PARVB: variants seen among roughly 807,000 people sequenced by gnomAD.
PARVB encodes the protein parvin beta, also known as beta-parvin.
PARVB carries 46 observed loss-of-function variants against 47.0 expected under a neutral mutation model. That is an observed-to-expected ratio of 0.98 (90% CI 0.77 to 1.25). The LOEUF (loss-of-function observed/expected upper bound fraction) is 1.25. Ranked by LOEUF, PARVB falls within the 50% of genes most tolerant of loss-of-function variation. The pLI, the probability that PARVB is intolerant of heterozygous loss-of-function variation, is 0.00. For missense variants in PARVB, 473 were observed against 471.6 expected, an observed-to-expected ratio of 1.00 and a Z score of -0.03; for synonymous variants, 196 against 196.3, an observed-to-expected ratio of 1.00 and a Z score of 0.01.
At chr22:44,128,820 G>A (rs1358013173) in intron 4 of PARVB, among the ~76,000 whole-genome samples, 1 of 152,218 alleles carries the variant, frequency 6.6e-6, no homozygotes, top group African/African-American at 2.4e-5. Context: ...GCTCACACCT[G>A]TAATCCCAGC....
rs117301474 is a variant in PARVB at position 44,087,281 on chromosome 22, A to G, written c.113-6647A>G. Among the ~76,000 whole-genome samples the G allele has an allele frequency of 4.6e-3, 702 of 152,328 alleles. 5 individuals carry two copies. The highest frequency in any genetic ancestry group is 0.016 in the South Asian group (79 of 4,818). On this transcript the variant is annotated intron_variant, in intron 1 of 12. Transcript: ENST00000338758. ...AAACCAGGAATTGCACGGATGGTGT[A>G]GAAAGTCCCCGTAGGTGGCAAAGCA... is the stretch of plus-strand genomic sequence containing the variant.
Position 44,162,006 on chromosome 22 carries a change from G to A in PARVB, c.946-1852G>A, listed in dbSNP as rs140433676. Among the ~76,000 whole-genome samples, 841 of 152,252 alleles carry A rather than the reference G, an allele frequency of 5.5e-3. 7 individuals are homozygous for A. Among genetic ancestry groups the A allele is most frequent in the African/African-American group, 0.019 (789 of 41,544 alleles). On this transcript the variant is annotated intron_variant, in intron 11 of 12. Transcript: ENST00000338758. ...CAGGGTCTCCGTCTGCTGCACCCCC[G>A]CCCCTGGGTGGACATGGCCTGCCCT... is the stretch of plus-strand genomic sequence containing the variant.
rs1012192952 is a variant in PARVB, at chr22:44,089,142, C to T, written c.113-4786C>T. On this transcript the variant is annotated intron_variant, in intron 1 of 12. Transcript: ENST00000338758. The surrounding 1 kb of genome is among the most constrained non-coding windows in gnomAD (Gnocchi z 4.0). ...CTCCTCCTATCAAATGCCCTCCTGT[C>T]TCTCTCTTCCTACCTGGCCCCCCGT... Among the ~76,000 whole-genome samples, 1 of 152,214 alleles carries T rather than the reference C, an allele frequency of 6.6e-6. No homozygotes were observed. The highest frequency in any genetic ancestry group is 1.5e-5 in the Non-Finnish European group (1 of 68,052).
intron 3 of PARVB, among the ~76,000 whole-genome samples, chr22:44,102,318 A>G (rs1601603561): frequency 6.6e-6 from 1 of 152,194 alleles, no homozygotes; most frequent in Non-Finnish European, 1.5e-5. Flanking sequence ...TCCTCTGAAC[A>G]CCATTCCAGA....
intron 2 of PARVB, among the ~76,000 whole-genome samples, 195 bp downstream of exon 2, chr22:44,094,212 G>A (rs1005876544): frequency 1.3e-5 from 2 of 152,204 alleles, no homozygotes; most frequent in African/African-American, 4.8e-5. Context: ...TTCATTAAGG[G>A]TTTCTGCCCT....
At chr22:44,127,715 A>G (rs1315099068) in intron 4 of PARVB, among the ~76,000 whole-genome samples, 1 of 147,932 alleles carries the variant, frequency 6.8e-6, no homozygotes, top group African/African-American at 2.6e-5. Flanking sequence ...AGGAAAGAGA[A>G]CAGACTTCTG....
intron 1 of PARVB, among the ~76,000 whole-genome samples, chr22:44,055,340 T>A (rs1378217559): frequency 6.6e-6 from 1 of 151,330 alleles, no homozygotes; most frequent in Non-Finnish European, 1.5e-5. Context: ...TGTAGCTCTC[T>A]CTGTCTCTTT....
In PARVB at chr22:44,013,547, C is replaced by T. The variant is rs140388861; in HGVS notation, c.211+13874C>T. Among the ~76,000 whole-genome samples, 391 of 152,362 alleles carry T rather than the reference C, an allele frequency of 2.6e-3. 4 individuals carry two copies. The highest frequency in any genetic ancestry group is 9.2e-3 in the African/African-American group (383 of 41,584). ...AGAACAGAGGTCGCCTGCTCTTGAA[C>T]TTCAAATAAGTGGATTCACGCAGTC... On this transcript the variant is annotated intron_variant, in intron 2 of 13. Transcript: ENST00000406477.
At chr22:44,140,301 C>T (rs1302780969) in intron 8 of PARVB, 158 bp downstream of exon 8, 1 of 777,966 alleles carries the variant, frequency 1.3e-6, no homozygotes, top group African/African-American at 1.7e-5. Context: ...ACAGCCCACC[C>T]CCACCTTTCT....
At chr22:44,054,925 G>A (rs1601533667) in intron 1 of PARVB, among the ~76,000 whole-genome samples, 4 of 145,606 alleles carry the variant, frequency 2.7e-5, no homozygotes, top group Middle Eastern at 3.7e-3. Context: ...AGGAGGCAGA[G>A]GTTGCCGTGA....
At chr22:44,081,999 G>A (rs929324193) in intron 1 of PARVB, among the ~76,000 whole-genome samples, 5 of 152,222 alleles carry the variant, frequency 3.3e-5, no homozygotes, top group African/African-American at 4.8e-5. Context: ...AGAGGCTTGC[G>A]TCGAAGGACT....
rs138154056 is a variant in PARVB, at chr22:44,049,641, T to C, written c.112+25190T>C. On this transcript the variant is annotated intron_variant, in intron 1 of 12. Transcript: ENST00000338758. This position sits in a 1 kb window ranked among gnomAD's most constrained non-coding sequence, Gnocchi z 4.0. ...ATTGATTGGCTTTTATTTTCCTCTG[T>C]TGCTGGAGTGATCCAATTTGAAGCC... 6.6e-6 allele frequency among the ~76,000 whole-genome samples: 1 copy of C among 152,370 alleles called. No homozygotes were observed. Among genetic ancestry groups the C allele is most frequent in the African/African-American group, 2.4e-5 (1 of 41,594 alleles).
intron 7 of PARVB, among the ~76,000 whole-genome samples, chr22:44,137,536 A>G (rs1175063331): frequency 1.3e-5 from 2 of 152,208 alleles, no homozygotes; most frequent in Non-Finnish European, 2.9e-5. Context: ...GGCTTAAAAC[A>G]ACATCTGTTT....
chr22:44,154,211 TC>T (rs1017791725), intron 10 of PARVB, among the ~76,000 whole-genome samples: 1 of 150,764 alleles, frequency 6.6e-6, no homozygotes, highest in Non-Finnish European at 1.5e-5. Context: ...TTCATTTTTT[TC>T]CCCCCGATTA....
chr22:44,047,598 T>C (rs1292948109), intron 1 of PARVB, among the ~76,000 whole-genome samples: 2 of 151,934 alleles, frequency 1.3e-5, no homozygotes, highest in African/African-American at 2.4e-5. Flanking sequence ...GAGGCGGAGT[T>C]TGCAGTGAGC....
chr22:44,055,679 T>C (rs948947866), intron 1 of PARVB, among the ~76,000 whole-genome samples: 3 of 88,082 alleles, frequency 3.4e-5, no homozygotes, highest in Non-Finnish European at 7.3e-5. Context: ...TCTCTCTCTC[T>C]ATATATATAT....
rs137915447 is a variant in PARVB, at chr22:44,061,431, A to AAAAACAAAACAAAAC, written c.113-32478_113-32464dup. Among the ~76,000 whole-genome samples, 45 of 150,062 alleles carry AAAAACAAAACAAAAC rather than the reference A, an allele frequency of 3.0e-4. 1 individual carries two copies. Among genetic ancestry groups the AAAAACAAAACAAAAC allele is most frequent in the South Asian group, 4.3e-4 (2 of 4,704 alleles). On this transcript the variant is annotated intron_variant, in intron 1 of 12. Transcript: ENST00000338758. ...GGGCATCAGAGCAAGACTTCATCTC[A>AAAAACAAAACAAAAC]AAAACAAAACAAAACAAAACAAAAC...
At chr22:44,011,069 C>T (rs2050517444) in intron 2 of PARVB, among the ~76,000 whole-genome samples, 1 of 152,072 alleles carries the variant, frequency 6.6e-6, no homozygotes, top group Admixed American at 6.5e-5. Context: ...CGTGATCCTC[C>T]CGCCTCGGCC....
chr22:44,063,950 C>G (rs886980901), intron 1 of PARVB, among the ~76,000 whole-genome samples: 3 of 152,182 alleles, frequency 2.0e-5, no homozygotes, highest in Non-Finnish European at 4.4e-5. Flanking sequence ...CCAGGTGTTC[C>G]GTGGATGGGG....
Sources: gnomAD v4.1 joint callset for allele counts (sites outside exome capture counted in the v4.1 genomes callset) on GRCh38, gnomAD v4.1.1 for gene constraint, Gnocchi (gnomAD v3.1) non-coding constraint, MANE v1.5 for transcripts, NCBI Gene and HGNC (gene_info 2026-07-23, HGNC 2026-07-21) for gene names.